Variants in PCDHA3 observed in about 807,000 individuals in gnomAD.
PCDHA3 encodes protocadherin alpha 3, also known as protocadherin alpha-3.
PCDHA3 carries 41 observed loss-of-function variants against 62.2 expected under a neutral mutation model. The observed-to-expected ratio is 0.66, with a 90% CI of 0.51 to 0.86. The LOEUF is 0.86. Ranked by LOEUF, PCDHA3 falls within the 40% of genes least tolerant of loss-of-function variation. The pLI, the probability that PCDHA3 is intolerant of heterozygous loss-of-function variation, is 0.00. For missense variants in PCDHA3, 1,304 were observed against 1,241.2 expected (o/e 1.05, Z -0.76); for synonymous variants, 640 against 555.4 (o/e 1.15, Z -2.14).
At position 140,944,693 on chromosome 5, in the gene PCDHA3, G is replaced by A. The variant is rs191002677; in HGVS notation, c.2395-34256G>A. 1.7e-3 allele frequency among the ~76,000 whole-genome samples: 252 copies of A among 152,248 alleles called. No homozygotes were observed. In the Middle Eastern group the frequency reaches 0.017, roughly 10 times the overall value. On this transcript the variant is annotated intron_variant, in intron 1 of 3. Coordinates refer to ENST00000522353, the MANE Select transcript of PCDHA3 (RefSeq NM_018906.3). ...TATTCTGTGTATCCTATTAATAACA[G>A]TAATTATCAGGTTATTTTGCCTTTG...
Position 140,802,717 on chromosome 5 carries a change from A to C in PCDHA3, c.1520A>C (p.Tyr507Ser). 1 of 1,612,524 alleles carries C rather than the reference A, an allele frequency of 6.2e-7. No individual in the cohort carries two copies. The highest frequency in any genetic ancestry group is 8.5e-7 in the Non-Finnish European group (1 of 1,179,784). ...GTGGGGGAGCGCGCGCTGTCGAGCT[A>C]CGTGTCGGTACACGCGGAGAGCGGC... ...RRVGERALSS[Y>S]VSVHAESGKV... is the part of the protein sequence containing the mutation. Residue 507 changes from tyrosine (Y) to serine (S), a missense_variant, in exon 1 of 4, where the codon TAC (tyrosine) becomes TCC (serine). Transcript: ENST00000522353.
intron 1 of PCDHA3, chr5:140,875,490 A>G: frequency 6.2e-7 from 1 of 1,612,864 alleles, no homozygotes; most frequent in Non-Finnish European, 8.5e-7. Context: ...TTATCGGACC[A>G]AGAGGCCCGG....
At chr5:140,839,222 T>C (rs1358006384) in intron 1 of PCDHA3, among the ~76,000 whole-genome samples, 1 of 151,922 alleles carries the variant, frequency 6.6e-6, no homozygotes, top group Non-Finnish European at 1.5e-5. Flanking sequence ...GATGTAACTG[T>C]AATCTGTTTT....
chr5:140,849,968 C>G, intron 1 of PCDHA3: 1 of 1,597,844 alleles, frequency 6.3e-7, no homozygotes, highest in Non-Finnish European at 8.6e-7. Flanking sequence ...CCCTGGTGTC[C>G]TACTCGCTGG....
intron 1 of PCDHA3, chr5:140,830,094 C>T (rs1770810347): frequency 2.5e-6 from 4 of 1,613,470 alleles, no homozygotes; most frequent in Middle Eastern, 1.7e-4. Flanking sequence ...GTTCTGGTGT[C>T]GCTGGTGGAG....
At chr5:140,852,963 C>T in intron 1 of PCDHA3, 1 of 424,740 alleles carries the variant, frequency 2.4e-6, no homozygotes, top group Non-Finnish European at 3.3e-6. Context: ...ACTCCAAGCT[C>T]CCCCTCCCGT....
At chr5:140,805,101 CTA>C (rs782463521) in intron 1 of PCDHA3, 1 of 1,592,070 alleles carries the variant, frequency 6.3e-7, no homozygotes, top group South Asian at 1.1e-5. Flanking sequence ...CCTCTTGAAA[CTA>C]TTGTCTAACA....
chr5:140,961,647 G>C (rs1204313600), intron 1 of PCDHA3, among the ~76,000 whole-genome samples: 10 of 152,104 alleles, frequency 6.6e-5, no homozygotes, highest in African/African-American at 2.4e-4. Flanking sequence ...AAGTCTATGT[G>C]GTTAGTTTGA....
chr5:140,860,428 T>C (rs1198179293), intron 1 of PCDHA3: 11 of 152,026 alleles, frequency 7.2e-5, no homozygotes, highest in Admixed American at 6.5e-4. Flanking sequence ...ATCCTGCAAA[T>C]ATGATCTTTT....
At chr5:140,828,821 C>T (rs1402518398) in intron 1 of PCDHA3, 1 of 1,614,068 alleles carries the variant, frequency 6.2e-7, no homozygotes, top group Non-Finnish European at 8.5e-7. Flanking sequence ...CACTTTCGAA[C>T]AGTCTGAATA....
intron 2 of PCDHA3, among the ~76,000 whole-genome samples, chr5:140,980,790 T>G (rs557225636): frequency 5.3e-4 from 80 of 152,312 alleles, no homozygotes; most frequent in African/African-American, 1.9e-3. Flanking sequence ...TGCCATTTCT[T>G]TTTTGCATTG....
At chr5:140,832,794 G>C (rs1057104170) in intron 1 of PCDHA3, among the ~76,000 whole-genome samples, 10 of 152,192 alleles carry the variant, frequency 6.6e-5, no homozygotes, top group Admixed American at 4.6e-4. Context: ...GTACATCATA[G>C]TGTTATTGGA....
chr5:140,942,237 T>C (rs2153657846), intron 1 of PCDHA3, among the ~76,000 whole-genome samples: 1 of 152,214 alleles, frequency 6.6e-6, no homozygotes, highest in East Asian at 1.9e-4. Context: ...GCAAATAAGA[T>C]ATCCATATCA....
intron 1 of PCDHA3, chr5:140,871,446 A>C (rs1554165605): frequency 6.2e-7 from 1 of 1,610,058 alleles, no homozygotes; most frequent in Non-Finnish European, 8.5e-7. Context: ...GTCTGAATAA[A>C]GAGGAGGAAG....
intron 1 of PCDHA3, among the ~76,000 whole-genome samples, chr5:140,931,344 A>G (rs1233861770): frequency 6.6e-6 from 1 of 151,910 alleles, no homozygotes; most frequent in East Asian, 1.9e-4. Flanking sequence ...GGAGTGAGGA[A>G]TTTTTTTTAG....
Position 140,802,922 on chromosome 5 carries a change from C to A in PCDHA3, c.1725C>A (p.Gly575=). 2 of 1,613,734 alleles carry A rather than the reference C, an allele frequency of 1.2e-6. No homozygotes were observed. The highest frequency in any genetic ancestry group is 1.7e-6 in the Non-Finnish European group (2 of 1,179,872). ...TGCCTCGGGTGGGTGGCATCGGTGGCGCAGTGAGCGAGCTGGTGCCGCGGT... is the reference window on the plus strand; with the variant it reads ...TGCCTCGGGTGGGTGGCATCGGTGGAGCAGTGAGCGAGCTGGTGCCGCGGT... The part of the protein sequence containing the change: ...LLMPRVGGIG[G]AVSELVPRSV... The change falls in exon 1 of 4, where the codon GGC becomes GGA. Residue 575 remains glycine, a synonymous_variant. Coordinates refer to ENST00000522353, the MANE Select transcript of PCDHA3 (RefSeq NM_018906.3).
At chr5:140,967,718 C>G (rs959323631) in intron 1 of PCDHA3, 1 of 1,613,988 alleles carries the variant, frequency 6.2e-7, no homozygotes, top group Non-Finnish European at 8.5e-7. Flanking sequence ...CGGGGAAGTG[C>G]GAGTAATTGG....
At chr5:140,966,789 C>T (rs782194817) in intron 1 of PCDHA3, 3 of 1,528,688 alleles carry the variant, frequency 2.0e-6, no homozygotes, top group Non-Finnish European at 2.6e-6. Flanking sequence ...GGCACCAGAC[C>T]TGCGGCGACA....
In PCDHA3 at chr5:140,828,050, G is replaced by C. The variant is rs2150150336; in HGVS notation, c.2394+24459G>C. 3 of 1,545,376 alleles carry C rather than the reference G, an allele frequency of 1.9e-6. No homozygotes were observed. In the Admixed American group the frequency reaches 6.2e-5, roughly 32 times the overall value. ...GGAACATACAGTATTTTATCTTTAT[G>C]CGGAAGATCTTCTAATGGAAATAAA... On this transcript the variant is annotated intron_variant, in intron 1 of 3. Coordinates refer to ENST00000522353, the MANE Select transcript of PCDHA3 (RefSeq NM_018906.3).
Sources: allele counts gnomAD v4.1 joint callset (sites outside exome capture counted in the v4.1 genomes callset), GRCh38; gene constraint gnomAD v4.1.1; transcripts MANE v1.5; gene names NCBI Gene and HGNC (gene_info 2026-07-23, HGNC 2026-07-21).